The following GLIS3 variants were observed in gnomAD, a reference collection of about 807,000 sequenced individuals.
GLIS3 encodes zinc finger protein GLIS3.
Under a neutral mutation model 78.6 loss-of-function variants are expected in GLIS3, and 53 were observed. That is an observed-to-expected ratio of 0.67 (90% CI 0.54 to 0.85). The LOEUF is 0.85. Among genes scored for constraint, GLIS3 ranks in the 40% least tolerant of loss-of-function variants. The pLI, the probability that GLIS3 is intolerant of heterozygous loss-of-function variation, is 0.00. For missense variants in GLIS3, 1,703 were observed against 1,231.1 expected (o/e 1.38, Z -5.74); for synonymous variants, 684 against 509.9 (o/e 1.34, Z -4.60).
rs191414677 is a variant in GLIS3, at chr9:3,890,731, A to C, written c.2128+7960T>G. ...CTTTCTGGCATAGCACGCTGTCTCT[A>C]AAAAACAAAACAAACCAAACAACAA... On this transcript the variant is annotated intron_variant, in intron 7 of 10. Transcript: ENST00000381971. Among the ~76,000 whole-genome samples the C allele has an allele frequency of 4.6e-5, 7 of 151,340 alleles. No individual in the cohort carries two copies. The East Asian group carries it at 1.4e-3, about 29-fold the overall frequency.
At chr9:4,330,907 T>C (rs1817675133) in intron 2 of GLIS3, among the ~76,000 whole-genome samples, 1 of 152,180 alleles carries the variant, frequency 6.6e-6, no homozygotes, top group South Asian at 2.1e-4. Flanking sequence ...GAGCAAGCAC[T>C]GTTTGTCACT....
At chr9:4,217,512 C>G (rs577208895) in intron 2 of GLIS3, among the ~76,000 whole-genome samples, 1 of 152,246 alleles carries the variant, frequency 6.6e-6, no homozygotes, top group South Asian at 2.1e-4. Flanking sequence ...GTCCATGTGT[C>G]TCAAGGTATC....
chr9:4,028,343 T>C (rs761675960), intron 4 of GLIS3, among the ~76,000 whole-genome samples: 1 of 152,176 alleles, frequency 6.6e-6, no homozygotes, highest in Non-Finnish European at 1.5e-5. Context: ...AAAGAGCTAC[T>C]TAATGAAAAA....
intron 2 of GLIS3, among the ~76,000 whole-genome samples, chr9:4,152,571 C>G (rs1190326347): frequency 6.6e-6 from 1 of 152,132 alleles, no homozygotes; most frequent in Non-Finnish European, 1.5e-5. Context: ...ATTAAATAAT[C>G]TCTCAAATCC....
At chr9:4,124,479 C>G (rs1381308150) in intron 3 of GLIS3, among the ~76,000 whole-genome samples, 1 of 152,190 alleles carries the variant, frequency 6.6e-6, no homozygotes, top group African/African-American at 2.4e-5. Context: ...CTGAAGGCTT[C>G]CCAATGACAC....
intron 4 of GLIS3, among the ~76,000 whole-genome samples, chr9:4,111,102 A>T (rs1042036155): frequency 1.3e-5 from 2 of 152,220 alleles, no homozygotes; most frequent in African/African-American, 4.8e-5. Context: ...CTATATACAA[A>T]CAAATCTCCA....
chr9:4,073,669 T>A (rs968299465), intron 4 of GLIS3, among the ~76,000 whole-genome samples: 1 of 152,202 alleles, frequency 6.6e-6, no homozygotes, highest in Admixed American at 6.5e-5. Flanking sequence ...TCCCTAACCC[T>A]GACCAGGACA....
At chr9:4,016,974 A>T (rs1005105156) in intron 4 of GLIS3, among the ~76,000 whole-genome samples, 1 of 152,166 alleles carries the variant, frequency 6.6e-6, no homozygotes, top group Non-Finnish European at 1.5e-5. Context: ...GAACAATCAC[A>T]TTGCAAAATG....
At chr9:4,404,938 A>G in the GLIS3 span, among the ~76,000 whole-genome samples, 1 of 152,210 alleles carries the variant, frequency 6.6e-6, no homozygotes, top group Non-Finnish European at 1.5e-5. Flanking sequence ...AAAAGTTAAT[A>G]TTTTGAAAAG....
intron 9 of GLIS3, among the ~76,000 whole-genome samples, chr9:3,843,495 A>G (rs774192084): frequency 3.3e-5 from 5 of 152,162 alleles, no homozygotes; most frequent in Non-Finnish European, 7.3e-5. Context: ...AACCTGACAT[A>G]CATCACTGGA....
At chr9:4,473,916 A>C in the GLIS3 span, among the ~76,000 whole-genome samples, 27,191 of 152,076 alleles carry the variant, frequency 0.18, 3,016 homozygotes, top group African/African-American at 0.31. Flanking sequence ...AATATTATTT[A>C]AAAAAACTAA....
chr9:3,987,439 C>T lies in GLIS3; in HGVS notation c.1711-50250G>A, dbSNP rs528234849. Among the ~76,000 whole-genome samples, 5 of 152,152 alleles carry T rather than the reference C, an allele frequency of 3.3e-5. No individual in the cohort carries two copies. The South Asian group carries it at 6.2e-4, about 19-fold the overall frequency. The stretch of plus-strand genomic sequence containing the variant: ...ATAATGGGCTGGGTGCAGTGATTCA[C>T]GCCTTTAATCCTAGCACTTTGGGAG... On this transcript the variant is annotated intron_variant, in intron 4 of 10. Coordinates refer to ENST00000381971, the MANE Select transcript of GLIS3 (RefSeq NM_001042413.2).
In GLIS3 at chr9:3,827,766, T is replaced by C. The variant is rs1184266085; in HGVS notation, c.*506A>G. The C allele has an allele frequency of 6.1e-6, 1 of 163,856 alleles. No individual in the cohort carries two copies. Among genetic ancestry groups the C allele is most frequent in the Non-Finnish European group, 1.3e-5 (1 of 74,628 alleles). 10.2% of individuals were successfully genotyped at this position (163,856 alleles called of 1,614,324 possible). A position where few individuals can be genotyped will look rare whatever the true frequency, so the allele number is the denominator to read the frequency against. On this transcript the variant is annotated 3_prime_UTR_variant, in exon 11 of 11. Coordinates refer to ENST00000381971, the MANE Select transcript of GLIS3 (RefSeq NM_001042413.2). ...TAAGAGAAAAGGGAAACCCAGGGAG[T>C]TTCTAAGAGTTGAGACCACACTATG...
chr9:4,185,567 T>A (rs889415404), intron 2 of GLIS3, among the ~76,000 whole-genome samples: 4 of 152,204 alleles, frequency 2.6e-5, no homozygotes, highest in Admixed American at 1.3e-4. Context: ...TATTCATCAA[T>A]GTCCCATAAG....
At chr9:3,864,258 G>A (rs1820426143) in intron 8 of GLIS3, among the ~76,000 whole-genome samples, 1 of 152,154 alleles carries the variant, frequency 6.6e-6, no homozygotes, top group African/African-American at 2.4e-5. Context: ...TGTTCAGCAT[G>A]GTGTCAGACA....
At chr9:4,056,991 C>CT (rs1179582432) in intron 4 of GLIS3, among the ~76,000 whole-genome samples, 1 of 151,126 alleles carries the variant, frequency 6.6e-6, no homozygotes, top group African/African-American at 2.4e-5. Flanking sequence ...AATCGTGCCC[C>CT]CTAGAATTAT....
chr9:4,202,027 T>A (rs886941309), intron 2 of GLIS3, among the ~76,000 whole-genome samples: 17 of 151,836 alleles, frequency 1.1e-4, no homozygotes, highest in African/African-American at 4.1e-4. Flanking sequence ...TAATCCCAGC[T>A]ATAGGGAAGT....
chr9:3,926,632 CTTTCT>C (rs565315149), intron 6 of GLIS3, among the ~76,000 whole-genome samples: 2 of 151,012 alleles, frequency 1.3e-5, no homozygotes, highest in African/African-American at 2.4e-5. Context: ...TCTTTTCTTT[CTTTCT>C]TTTGTCTTCT....
intron 2 of GLIS3, among the ~76,000 whole-genome samples, chr9:4,126,795 T>C (rs1288060705): frequency 1.3e-5 from 2 of 152,200 alleles, no homozygotes; most frequent in Non-Finnish European, 2.9e-5. Context: ...TTTTGTCAAC[T>C]ACCTGGTCAA....
Sources: gnomAD v4.1 joint callset for allele counts (sites outside exome capture counted in the v4.1 genomes callset) on GRCh38, gnomAD v4.1.1 for gene constraint, MANE v1.5 for transcripts, NCBI Gene and HGNC (gene_info 2026-07-23, HGNC 2026-07-21) for gene names.